NIBAN1: variants seen among roughly 807,000 people sequenced by gnomAD.
NIBAN1 encodes protein Niban 1.
NIBAN1 carries 81 observed loss-of-function variants against 75.1 expected under a neutral mutation model. The observed-to-expected ratio is 1.08, with a 90% CI of 0.90 to 1.30. The LOEUF (loss-of-function observed/expected upper bound fraction) is 1.30. Ranked by LOEUF, NIBAN1 falls within the 50% of genes most tolerant of loss-of-function variation. The pLI is 0.00. For missense variants in NIBAN1, 1,133 were observed against 1,128.1 expected (o/e 1.00, Z -0.06); for synonymous variants, 436 against 424.8 (o/e 1.03, Z -0.32).
chr1:184,931,977 T>A (rs1657836497), intron 1 of NIBAN1, among the ~76,000 whole-genome samples: 1 of 152,238 alleles, frequency 6.6e-6, no homozygotes, highest in African/African-American at 2.4e-5. Context: ...AGATATCTCA[T>A]ATACTGCCCA....
intron 9 of NIBAN1, among the ~76,000 whole-genome samples, chr1:184,815,239 C>T (rs1205240330): frequency 2.0e-5 from 3 of 152,102 alleles, no homozygotes; most frequent in Admixed American, 6.5e-5. Flanking sequence ...ATGTATTTTC[C>T]CCAGGTAAAG....
chr1:184,864,264 T>C (rs1222925629), intron 5 of NIBAN1, among the ~76,000 whole-genome samples: 1 of 152,242 alleles, frequency 6.6e-6, no homozygotes, highest in African/African-American at 2.4e-5. Context: ...ACACGGTAAG[T>C]GCTCAATAAA....
chr1:184,860,612 T>G (rs915857394), intron 5 of NIBAN1, among the ~76,000 whole-genome samples: 1 of 152,212 alleles, frequency 6.6e-6, no homozygotes, highest in African/African-American at 2.4e-5. Flanking sequence ...AGTACTGTCT[T>G]TTCATTATCT....
At chr1:184,820,161 G>C (rs558075111) in intron 8 of NIBAN1, among the ~76,000 whole-genome samples, 1 of 152,288 alleles carries the variant, frequency 6.6e-6, no homozygotes, top group East Asian at 1.9e-4. Flanking sequence ...GTGTAAAACT[G>C]TTTGTCAGGA....
At chr1:184,869,708 A>T (rs113729208) in intron 5 of NIBAN1, among the ~76,000 whole-genome samples, 2 of 152,052 alleles carry the variant, frequency 1.3e-5, no homozygotes, top group African/African-American at 4.8e-5. Flanking sequence ...TGCCCGGCTA[A>T]TTTTTGTATT....
chr1:184,802,479 C>T (rs1651098324), intron 12 of NIBAN1, among the ~76,000 whole-genome samples: 1 of 152,190 alleles, frequency 6.6e-6, no homozygotes, highest in African/African-American at 2.4e-5. Flanking sequence ...AACTGTTCTG[C>T]CATGTAAGGC....
chr1:184,907,711 C>G (rs73050676), intron 1 of NIBAN1, among the ~76,000 whole-genome samples: 9,360 of 152,120 alleles, frequency 0.062, 967 homozygotes, highest in African/African-American at 0.21. Context: ...CCTTAGAGAA[C>G]GGGGATAAAT....
chr1:184,794,893 G>C lies in NIBAN1; in HGVS notation c.*84C>G, dbSNP rs183355726. On this transcript the variant is annotated 3_prime_UTR_variant, in exon 14 of 14. Coordinates refer to ENST00000367511, the MANE Select transcript of NIBAN1 (RefSeq NM_052966.4). ...TAAGAAAATACTTAAAAATTTTTTG[G>C]TAACAGCTTGCATGCAACCCCTAAG... The C allele has an allele frequency of 5.1e-5, 80 of 1,582,472 alleles. No individual in the cohort carries two copies. The African/African-American group carries it at 9.4e-4, about 19-fold the overall frequency.
At chr1:184,926,096 A>G (rs1465904134) in intron 1 of NIBAN1, among the ~76,000 whole-genome samples, 1 of 152,088 alleles carries the variant, frequency 6.6e-6, no homozygotes, top group Non-Finnish European at 1.5e-5. Context: ...TTTTTGCTGG[A>G]TATACTATTC....
At chr1:184,828,764 T>C (rs1654914659) in intron 6 of NIBAN1, among the ~76,000 whole-genome samples, 1 of 152,128 alleles carries the variant, frequency 6.6e-6, no homozygotes, top group Non-Finnish European at 1.5e-5. Context: ...ATTTTATTAG[T>C]CTGTTATTTT....
chr1:184,800,211 T>C (rs1305844727), intron 12 of NIBAN1, among the ~76,000 whole-genome samples: 2 of 151,168 alleles, frequency 1.3e-5, no homozygotes, highest in African/African-American at 4.9e-5. Flanking sequence ...TTGATGGGGT[T>C]GTTTGTTTTT....
intron 1 of NIBAN1, among the ~76,000 whole-genome samples, chr1:184,964,965 A>G (rs937614742): frequency 3.9e-5 from 6 of 152,192 alleles, no homozygotes; most frequent in Admixed American, 3.9e-4. Context: ...AGCTACTAAC[A>G]TCACAAAAAG....
intron 1 of NIBAN1, among the ~76,000 whole-genome samples, chr1:184,941,948 C>T (rs756511727): frequency 7.2e-5 from 11 of 152,134 alleles, no homozygotes; most frequent in Non-Finnish European, 1.5e-4. Context: ...ACAAATTTTT[C>T]GGCCACTCAT....
At chr1:184,803,763 A>G in intron 11 of NIBAN1, 71 bp from the exon 12 acceptor site, 1 of 1,336,674 alleles carries the variant, frequency 7.5e-7, no homozygotes, top group Non-Finnish European at 1.1e-6. Context: ...CAAAAAACTC[A>G]GCCACCCACT....
intron 1 of NIBAN1, among the ~76,000 whole-genome samples, chr1:184,959,847 G>T (rs1420299469): frequency 6.6e-6 from 1 of 152,174 alleles, no homozygotes; most frequent in Non-Finnish European, 1.5e-5. Flanking sequence ...CCAGCTCTGA[G>T]TGAAGTCCAG....
At chr1:184,808,428 T>C (rs571524461) in intron 9 of NIBAN1, among the ~76,000 whole-genome samples, 193 bp from the exon 10 acceptor site, 3 of 152,310 alleles carry the variant, frequency 2.0e-5, no homozygotes, top group Middle Eastern at 3.4e-3. Context: ...GTAGCTGTAA[T>C]GCTAGGACAG....
In NIBAN1 at chr1:184,877,605, A is replaced by T. The variant is rs116144221; in HGVS notation, c.601+7028T>A. ...ATGTGGCTCACTGTTCAATAACAAC[A>T]GATGAGAATTTTATCCAAATTCTCC... On this transcript the variant is annotated intron_variant, in intron 5 of 13. Coordinates refer to ENST00000367511, the MANE Select transcript of NIBAN1 (RefSeq NM_052966.4). Among the ~76,000 whole-genome samples, 514 of 152,324 alleles carry T rather than the reference A, an allele frequency of 3.4e-3. 8 individuals are homozygous for T. In the East Asian group the frequency reaches 0.039, roughly 11 times the overall value.
At chr1:184,973,246 T>C (rs1248924315) in intron 1 of NIBAN1, among the ~76,000 whole-genome samples, 1 of 152,234 alleles carries the variant, frequency 6.6e-6, no homozygotes, top group African/African-American at 2.4e-5. Flanking sequence ...TCAGCTCCGT[T>C]GCTCTTCACG....
chr1:184,961,877 G>C (rs558312597), intron 1 of NIBAN1, among the ~76,000 whole-genome samples: 1 of 152,230 alleles, frequency 6.6e-6, no homozygotes, highest in South Asian at 2.1e-4. Context: ...ATTGCTGTGC[G>C]TAAGAATTTA....
Sources: gnomAD v4.1 joint callset for allele counts (sites outside exome capture counted in the v4.1 genomes callset) on GRCh38, gnomAD v4.1.1 for gene constraint, MANE v1.5 for transcripts, NCBI Gene and HGNC (gene_info 2026-07-23, HGNC 2026-07-21) for gene names.